SRFBP1: variants seen among roughly 807,000 people sequenced by gnomAD.
SRFBP1 encodes the protein serum response factor-binding protein 1.
Under a neutral mutation model 45.5 loss-of-function variants are expected in SRFBP1, and 47 were observed. The ratio of observed to expected loss-of-function variants is 1.03; its 90% CI spans 0.82 to 1.32. SRFBP1 has a LOEUF of 1.32. SRFBP1 is among the 40% of genes most tolerant of loss of function. SRFBP1 has a pLI of 0.00. For synonymous variants in SRFBP1, 203 were observed against 166.3 expected, an observed-to-expected ratio of 1.22 and a Z score of -1.70; for missense variants, 621 against 484.6, an observed-to-expected ratio of 1.28 and a Z score of -2.64.
chr5:121,982,196 CT>C (rs1752423240), intron 3 of SRFBP1, among the ~76,000 whole-genome samples: 2 of 151,908 alleles, frequency 1.3e-5, no homozygotes, highest in Non-Finnish European at 2.9e-5. Flanking sequence ...AAAGGTAGAA[CT>C]TTTGTTTCTA....
intron 4 of SRFBP1, among the ~76,000 whole-genome samples, chr5:122,002,305 G>T (rs1443558626): frequency 6.6e-6 from 1 of 152,106 alleles, no homozygotes; most frequent in Non-Finnish European, 1.5e-5. Flanking sequence ...TTTTGATCTG[G>T]ATTTCATTCT....
intron 2 of SRFBP1, chr5:122,070,847 C>A: frequency 3.8e-6 from 1 of 264,336 alleles, no homozygotes; most frequent in Non-Finnish European, 7.0e-6. Flanking sequence ...GAGATAAATG[C>A]AATCTGAAGG....
At chr5:122,068,578 G>A (rs6863233) in intron 2 of SRFBP1, among the ~76,000 whole-genome samples, 3,575 of 152,246 alleles carry the variant, frequency 0.023, 140 homozygotes, top group African/African-American at 0.081. Flanking sequence ...GTGAGAGGCT[G>A]CAAGGTGGCA....
At chr5:122,054,410 C>A (rs1382192517) in intron 2 of SRFBP1, among the ~76,000 whole-genome samples, 1 of 152,210 alleles carries the variant, frequency 6.6e-6, no homozygotes, top group African/African-American at 2.4e-5. Flanking sequence ...TGTTCCCCTG[C>A]TGACTTGCTG....
intron 2 of SRFBP1, among the ~76,000 whole-genome samples, chr5:122,055,514 G>T (rs188153343): frequency 2.6e-5 from 4 of 152,108 alleles, no homozygotes; most frequent in African/African-American, 9.7e-5. Context: ...ATTCTATACA[G>T]TTTTAAAAGT....
At chr5:121,976,225 A>C (rs1241148393) in intron 3 of SRFBP1, among the ~76,000 whole-genome samples, 3 of 152,042 alleles carry the variant, frequency 2.0e-5, no homozygotes, top group Non-Finnish European at 4.4e-5. Context: ...AAGTTATCCC[A>C]GTTAATCTGA....
intron 7 of SRFBP1, 136 bp downstream of exon 7, chr5:122,022,543 CA>C: frequency 1.6e-6 from 1 of 630,938 alleles, no homozygotes; most frequent in African/African-American, 1.9e-5. Context: ...GAGCATCTTA[CA>C]ATTATCAATA....
chr5:122,072,669 G>GA (rs975599965), intron 2 of SRFBP1, among the ~76,000 whole-genome samples: 9 of 151,900 alleles, frequency 5.9e-5, no homozygotes, highest in African/African-American at 9.7e-5. Context: ...TTGATCTAAT[G>GA]AAAAAAACAA....
chr5:122,005,337 G>A (rs1203361675), intron 4 of SRFBP1, among the ~76,000 whole-genome samples: 1 of 152,112 alleles, frequency 6.6e-6, no homozygotes, highest in African/African-American at 2.4e-5. Flanking sequence ...GATACTGGAT[G>A]CTTATATATT....
At chr5:121,992,805 A>G (rs1752644838) in intron 3 of SRFBP1, among the ~76,000 whole-genome samples, 1 of 152,068 alleles carries the variant, frequency 6.6e-6, no homozygotes, top group Non-Finnish European at 1.5e-5. Context: ...AGTTTTTATT[A>G]CATGGATTTT....
intron 4 of SRFBP1, among the ~76,000 whole-genome samples, chr5:121,995,979 T>A (rs1752718268): frequency 6.6e-6 from 1 of 152,166 alleles, no homozygotes; most frequent in Non-Finnish European, 1.5e-5. Context: ...GTTGAATCTC[T>A]TAGTAGACCA....
chr5:121,994,682 A>G lies in SRFBP1; in HGVS notation c.270+12A>G, dbSNP rs755818864. 1.1e-5 allele frequency: 16 copies of G among 1,514,992 alleles called. No homozygotes were observed. In the Admixed American group the frequency reaches 1.2e-4, roughly 11 times the overall value. 93.8% of individuals were successfully genotyped at this position (1,514,992 alleles called of 1,614,324 possible). A position where few individuals can be genotyped will look rare whatever the true frequency, so the allele number is the denominator to read the frequency against. ...AAATCTTCAAAAAGGTATATCTGCA[A>G]TAGATTATATTTGTCTTATGAAAAG... is the stretch of plus-strand genomic sequence containing the variant. On this transcript the variant is annotated intron_variant, in intron 4 of 7. Transcript: ENST00000339397.
chr5:122,014,474 C>G (rs1753157106), intron 4 of SRFBP1, among the ~76,000 whole-genome samples: 2 of 152,022 alleles, frequency 1.3e-5, no homozygotes, highest in East Asian at 3.9e-4. Context: ...GAATCAGTCT[C>G]ATTTTATATA....
In SRFBP1 at chr5:122,022,414, A is replaced by G. The variant is rs370813448; in HGVS notation, c.1105+7A>G. 3.7e-6 allele frequency: 6 copies of G among 1,608,166 alleles called. No individual in the cohort carries two copies. The highest frequency in any genetic ancestry group is 5.1e-6 in the Non-Finnish European group (6 of 1,177,996). ...CCAAAAACAAGATCCCTAGGTATGT[A>G]TTCATAGTTGCCTGACCTTCATATG... On this transcript the variant is annotated splice_region_variant and intron_variant, in intron 7 of 7. Transcript: ENST00000339397.
chr5:122,040,365 C>T (rs1055032669), intron 2 of SRFBP1, among the ~76,000 whole-genome samples: 6 of 152,114 alleles, frequency 3.9e-5, no homozygotes, highest in African/African-American at 1.4e-4. Flanking sequence ...AAGCTGAATA[C>T]TGGAATGTTG....
chr5:122,030,636 T>C (rs929887055), downstream of SRFBP1, among the ~76,000 whole-genome samples: 3 of 151,968 alleles, frequency 2.0e-5, no homozygotes, highest in African/African-American at 7.2e-5. Flanking sequence ...CCTTAGGCAG[T>C]GAGTAACAGT....
At chr5:122,006,317 C>G (rs1638930814) in intron 4 of SRFBP1, among the ~76,000 whole-genome samples, 1 of 152,098 alleles carries the variant, frequency 6.6e-6, no homozygotes, top group Admixed American at 6.5e-5. Flanking sequence ...TTGCTACTTT[C>G]AAGATGCTGT....
At chr5:122,049,823 C>T (rs1396684586) in intron 2 of SRFBP1, among the ~76,000 whole-genome samples, 1 of 152,144 alleles carries the variant, frequency 6.6e-6, no homozygotes, top group Non-Finnish European at 1.5e-5. Flanking sequence ...TTCTTTGAAA[C>T]CAATGAGAAC....
intron 1 of SRFBP1, among the ~76,000 whole-genome samples, chr5:121,964,587 C>G (rs558158937): frequency 6.6e-6 from 1 of 152,304 alleles, no homozygotes; most frequent in South Asian, 2.1e-4. Flanking sequence ...ATTATCCAGT[C>G]TATCATTGAT....
Sources: gnomAD v4.1 joint callset for allele counts (sites outside exome capture counted in the v4.1 genomes callset) on GRCh38, gnomAD v4.1.1 for gene constraint, MANE v1.5 for transcripts, NCBI Gene and HGNC (gene_info 2026-07-23, HGNC 2026-07-21) for gene names.